The following BFAR variants were observed in gnomAD, a reference collection of about 807,000 sequenced individuals.
The protein encoded by BFAR is RING finger protein 47.
BFAR carries 52 observed loss-of-function variants against 54.4 expected under a neutral mutation model. The ratio of observed to expected loss-of-function variants is 0.96; its 90% CI spans 0.77 to 1.21. The LOEUF is 1.21. Ranked by LOEUF, BFAR falls within the 50% of genes most tolerant of loss-of-function variation. The pLI, the probability that BFAR is intolerant of heterozygous loss-of-function variation, is 0.00. For synonymous variants in BFAR, 215 were observed against 204.3 expected (o/e 1.05, Z -0.45); for missense variants, 571 against 534.0 (o/e 1.07, Z -0.68).
At position 14,649,806 on chromosome 16, in the gene BFAR, G is replaced by T; in HGVS notation, c.471G>T (p.Val157=). 1 of 1,596,396 alleles carries T rather than the reference G, an allele frequency of 6.3e-7. No homozygotes were observed. Among genetic ancestry groups the T allele is most frequent in the South Asian group, 1.1e-5 (1 of 89,092 alleles). ...AAGTCCCTGTCACTTTTCCCCAGGT[G>T]GTCCTGCTCGTCTATCACTGGAGCA... The part of the protein sequence containing the change: ...GVLTALTGVA[V]VLLVYHWSSR... Residue 157 remains valine, a splice_region_variant and synonymous_variant, in exon 4 of 8, where the codon GTG becomes GTT. Coordinates refer to ENST00000261658, the MANE Select transcript of BFAR (RefSeq NM_016561.3).
At chr16:14,642,960 G>A (rs1374107768) in intron 1 of BFAR, among the ~76,000 whole-genome samples, 1 of 152,114 alleles carries the variant, frequency 6.6e-6, no homozygotes, top group Non-Finnish European at 1.5e-5. Context: ...CAGATCACTC[G>A]AGTTCAGGAG....
chr16:14,666,228 C>T (rs1323222679), intron 7 of BFAR, among the ~76,000 whole-genome samples: 3 of 152,178 alleles, frequency 2.0e-5, no homozygotes, highest in African/African-American at 7.2e-5. Context: ...CTGGTTTCAG[C>T]CCTACCCAGA....
At chr16:14,650,149 C>G (rs1959928407) in intron 4 of BFAR, 176 bp downstream of exon 4, 5 of 532,188 alleles carry the variant, frequency 9.4e-6, no homozygotes, top group Non-Finnish European at 1.5e-5. Context: ...TGATGAAACC[C>G]CATCTCTACT....
intron 4 of BFAR, among the ~76,000 whole-genome samples, chr16:14,654,278 G>T (rs574343037): frequency 6.6e-6 from 1 of 151,494 alleles, no homozygotes; most frequent in Non-Finnish European, 1.5e-5. Context: ...CCCAAAGTGC[G>T]AACTATTCTT....
chr16:14,661,651 C>T (rs1960291110), intron 5 of BFAR, among the ~76,000 whole-genome samples: 1 of 152,166 alleles, frequency 6.6e-6, no homozygotes, highest in African/African-American at 2.4e-5. Flanking sequence ...GATCCGTCCA[C>T]CTCGGCCTTC....
intron 1 of BFAR, among the ~76,000 whole-genome samples, chr16:14,639,152 G>A (rs1472213475): frequency 6.6e-6 from 1 of 151,988 alleles, no homozygotes; most frequent in African/African-American, 2.4e-5. Flanking sequence ...AGAAAAACAA[G>A]TTCCTTTGTA....
intron 5 of BFAR, among the ~76,000 whole-genome samples, chr16:14,656,038 C>T (rs1960120152): frequency 6.6e-6 from 1 of 151,998 alleles, no homozygotes; most frequent in Admixed American, 6.6e-5. Flanking sequence ...GGTGAAACCC[C>T]GTCTCTACTA....
rs1295639386 is a variant in BFAR, at chr16:14,659,225, G to GTT, written c.784-2660_784-2659dup. On this transcript the variant is annotated intron_variant, in intron 5 of 7. Coordinates refer to ENST00000261658, the MANE Select transcript of BFAR (RefSeq NM_016561.3). ...TGCCCAGCCTGTAGTATGCAATTTG[G>GTT]TTTTTTTTGTTTTTTTTTGTTTTTT... Among the ~76,000 whole-genome samples, 219 of 141,388 alleles carry GTT rather than the reference G, an allele frequency of 1.5e-3. 6 individuals carry two copies. Among genetic ancestry groups the GTT allele is most frequent in the Non-Finnish European group, 2.8e-3 (177 of 64,274 alleles). 92.8% of individuals were successfully genotyped at this position (141,388 alleles called of 152,430 possible).
intron 5 of BFAR, among the ~76,000 whole-genome samples, chr16:14,656,038 C>A (rs1960120152): frequency 6.6e-6 from 1 of 152,000 alleles, no homozygotes; most frequent in Non-Finnish European, 1.5e-5. Context: ...GGTGAAACCC[C>A]GTCTCTACTA....
At chr16:14,657,511 G>A (rs959339249) in intron 5 of BFAR, among the ~76,000 whole-genome samples, 2 of 151,908 alleles carry the variant, frequency 1.3e-5, no homozygotes, top group African/African-American at 4.8e-5. Context: ...GCCTCCCAAA[G>A]TGCTGGGATT....
chr16:14,636,883 A>G (rs1959462220), intron 1 of BFAR, among the ~76,000 whole-genome samples: 1 of 152,244 alleles, frequency 6.6e-6, no homozygotes, highest in South Asian at 2.1e-4. Context: ...GCTGCCTTCA[A>G]GCATCTGTTT....
At chr16:14,654,815 C>T (rs1394277061) in intron 4 of BFAR, among the ~76,000 whole-genome samples, 3 of 152,152 alleles carry the variant, frequency 2.0e-5, no homozygotes, top group Admixed American at 6.5e-5. Context: ...TTCTGATCTA[C>T]AAAAGCAGCA....
At chr16:14,637,957 A>C (rs1006457543) in intron 1 of BFAR, among the ~76,000 whole-genome samples, 1 of 151,836 alleles carries the variant, frequency 6.6e-6, no homozygotes, top group African/African-American at 2.4e-5. Flanking sequence ...CTGGAAAAAT[A>C]AGGTGATAAA....
At chr16:14,661,757 T>G (rs1273255299) in intron 5 of BFAR, 135 bp from the exon 6 acceptor site, 12 of 971,448 alleles carry the variant, frequency 1.2e-5, no homozygotes, top group Non-Finnish European at 1.9e-5. Context: ...TGGCCTCTTC[T>G]TGCCGTTCAT....
Position 14,644,283 on chromosome 16 carries a change from GT to G in BFAR, c.-60del. The G allele has an allele frequency of 6.9e-7, 1 of 1,445,070 alleles. No individual in the cohort carries two copies. The highest frequency in any genetic ancestry group is 9.5e-7 in the Non-Finnish European group (1 of 1,052,860). 89.5% of individuals were successfully genotyped at this position (1,445,070 alleles called of 1,614,324 possible). A position where few individuals can be genotyped will look rare whatever the true frequency, so the allele number is the denominator to read the frequency against. ...TGTTTTTTTTTTCTAGATTAATGAT[GT>G]TTTGCAGCAGTTTTCTACGTCTGAA... On this transcript the variant is annotated 5_prime_UTR_variant, in exon 2 of 8. The change creates a premature stop within an existing upstream ORF in the 5' untranslated region. Transcript: ENST00000261658.
At chr16:14,664,363 C>CACCA (rs1323715546) in intron 6 of BFAR, among the ~76,000 whole-genome samples, 5 of 146,822 alleles carry the variant, frequency 3.4e-5, no homozygotes, top group Non-Finnish European at 5.9e-5. Context: ...TGCATTCCAG[C>CACCA]CTGGGTAACA....
In BFAR at chr16:14,669,059, A is replaced by G. The variant is rs1282933163; in HGVS notation, c.*1232A>G. 4 of 455,406 alleles carry G rather than the reference A, an allele frequency of 8.8e-6. 1 individual carries two copies. The Admixed American group carries it at 9.4e-5, about 11-fold the overall frequency. The allele number at this position is 455,406 out of a possible 1,614,324, so 28.2% of individuals were successfully genotyped here. Reference sequence around the variant, plus strand: ...GTGAACACAGCAGGTGTGAGATGTCATCTTGGAAGACAGGCCTTGCAGAAA... The same window carrying G: ...GTGAACACAGCAGGTGTGAGATGTCGTCTTGGAAGACAGGCCTTGCAGAAA... On this transcript the variant is annotated 3_prime_UTR_variant, in exon 8 of 8. Transcript: ENST00000261658.
chr16:14,659,022 C>T (rs1187249818), intron 5 of BFAR, among the ~76,000 whole-genome samples: 1 of 151,752 alleles, frequency 6.6e-6, no homozygotes, highest in Non-Finnish European at 1.5e-5. Context: ...ATTCCCCTGC[C>T]TCAGCCTCCT....
chr16:14,655,521 C>A (rs1015850308), intron 5 of BFAR, among the ~76,000 whole-genome samples: 12 of 150,990 alleles, frequency 7.9e-5, no homozygotes, highest in African/African-American at 2.9e-4. Flanking sequence ...GCAACCTCCA[C>A]CTCCCAGGTT....
Sources: gnomAD v4.1 joint callset for allele counts (sites outside exome capture counted in the v4.1 genomes callset) on GRCh38, gnomAD v4.1.1 for gene constraint, MANE v1.5 for transcripts, NCBI Gene and HGNC (gene_info 2026-07-23, HGNC 2026-07-21) for gene names.